RBM4: variants seen among roughly 807,000 people sequenced by gnomAD.
RBM4 encodes RNA-binding protein 4.
A neutral mutation model predicts 29.5 loss-of-function variants in RBM4; 7 were observed. The observed-to-expected ratio is 0.24, with a 90% CI of 0.14 to 0.45. The LOEUF is 0.45. Ranked by LOEUF, RBM4 falls within the 20% of genes least tolerant of loss-of-function variation. RBM4 has a pLI of 1.00. For synonymous variants in RBM4, 220 were observed against 205.4 expected (o/e 1.07, Z -0.61); for missense variants, 387 against 502.3 (o/e 0.77, Z 2.19).
Position 66,644,284 on chromosome 11 carries a change from TC to T in RBM4, c.*8+146del. 3 of 1,162,554 alleles carry T rather than the reference TC, an allele frequency of 2.6e-6. No homozygotes were observed. In the East Asian group the frequency reaches 7.8e-5, roughly 30 times the overall value. 72.0% of individuals were successfully genotyped at this position (1,162,554 alleles called of 1,614,324 possible). ...GGATGGCTCACAGGCTAGAGAGAAG[TC>T]CTAACTGCTTAACTTTAAAATACAT... On this transcript the variant is annotated intron_variant, in intron 3 of 3. Transcript: ENST00000310092.
intron 2 of RBM4, among the ~76,000 whole-genome samples, chr11:66,656,067 T>A (rs1421552109): frequency 6.6e-6 from 1 of 152,050 alleles, no homozygotes; most frequent in African/African-American, 2.4e-5. Flanking sequence ...GCCTCGCGGG[T>A]TCGAGTGATT....
At chr11:66,666,674 A>G (rs1484845630) in exon 3 of RBM4, 1 of 153,264 alleles carries the variant, frequency 6.5e-6, no homozygotes, top group Non-Finnish European at 1.4e-5. Context: ...ATACCAGCTT[A>G]CTTCGGAAGC....
In RBM4 at chr11:66,643,340, C is replaced by T. The variant is rs1356287221; in HGVS notation, c.413-110C>T. On this transcript the variant is annotated intron_variant, in intron 2 of 3. Coordinates refer to ENST00000310092, the MANE Select transcript of RBM4 (RefSeq NM_002896.4). This position sits in a 1 kb window ranked among gnomAD's most constrained non-coding sequence, Gnocchi z 6.1. Reference sequence around the variant, plus strand: ...TTTTTATCTTTTCCTAAAGATGAGTCCTGCATTAGAATTGTCTAGATAAAG... The same window carrying T: ...TTTTTATCTTTTCCTAAAGATGAGTTCTGCATTAGAATTGTCTAGATAAAG... 1.3e-5 allele frequency: 17 copies of T among 1,330,970 alleles called. No individual in the cohort carries two copies. In the African/African-American group the frequency reaches 1.9e-4, roughly 15 times the overall value. The allele number at this position is 1,330,970 out of a possible 1,614,324, so 82.4% of individuals were successfully genotyped here.
chr11:66,646,732 T>A (rs916923954), downstream of RBM4, among the ~76,000 whole-genome samples: 1 of 152,210 alleles, frequency 6.6e-6, no homozygotes, highest in Non-Finnish European at 1.5e-5. Context: ...CAGATGTAGG[T>A]CTTCTCTTCT....
At chr11:66,665,641 C>T in intron 2 of RBM4, 2 of 1,534,988 alleles carry the variant, frequency 1.3e-6, no homozygotes, top group South Asian at 1.2e-5. Flanking sequence ...GCTCCGCGTA[C>T]AAGCGCCCTG....
intron 2 of RBM4, chr11:66,640,484 A>G (rs1243679183): frequency 2.2e-6 from 1 of 447,058 alleles, no homozygotes; most frequent in Non-Finnish European, 3.9e-6. Flanking sequence ...TATTGCCCTC[A>G]GCACAGGATC....
At position 66,646,032 on chromosome 11, in the gene RBM4, A is replaced by T; in HGVS notation, c.*14A>T. The T allele has an allele frequency of 2.0e-6, 3 of 1,536,064 alleles. No individual in the cohort carries two copies. Among genetic ancestry groups the T allele is most frequent in the Non-Finnish European group, 2.6e-6 (3 of 1,146,902 alleles). On this transcript the variant is annotated 3_prime_UTR_variant, in exon 4 of 4. Transcript: ENST00000310092. The stretch of plus-strand genomic sequence containing the variant: ...TGTATTGTGCTCTCTTTCAGGTGGG[A>T]TGTGTGTGGGCTGAAATTCCGAGCT...
chr11:66,661,898 C>G (rs539664059), intron 2 of RBM4, among the ~76,000 whole-genome samples: 2 of 152,056 alleles, frequency 1.3e-5, no homozygotes, highest in Admixed American at 1.3e-4. Flanking sequence ...GGCGTGGTGG[C>G]GCGCGACTGT....
downstream of RBM4, among the ~76,000 whole-genome samples, chr11:66,648,707 G>GGAGGCA (rs1417619402): frequency 6.6e-6 from 1 of 151,830 alleles, no homozygotes; most frequent in Admixed American, 6.6e-5. Context: ...TGGCTATTTG[G>GGAGGCA]GAGGCAGAGG....
intron 2 of RBM4, among the ~76,000 whole-genome samples, chr11:66,657,083 C>G (rs2135086050): frequency 6.7e-6 from 1 of 150,264 alleles, no homozygotes; most frequent in African/African-American, 2.4e-5. Context: ...GTAGTTAATC[C>G]TCAGCCCCTG....
chr11:66,640,357 C>G (rs1938389740), intron 2 of RBM4: 1 of 617,952 alleles, frequency 1.6e-6, no homozygotes, highest in Non-Finnish European at 2.8e-6. Flanking sequence ...GCCCCTACGG[C>G]TTTTGTGCTT....
At chr11:66,659,125 C>A (rs1939022974) in intron 2 of RBM4, among the ~76,000 whole-genome samples, 1 of 151,202 alleles carries the variant, frequency 6.6e-6, no homozygotes, top group South Asian at 2.1e-4. Flanking sequence ...ATGTGGTTTG[C>A]ATTTGTGGCT....
At chr11:66,648,575 G>T (rs187869584), downstream of RBM4, among the ~76,000 whole-genome samples, 1 of 152,096 alleles carries the variant, frequency 6.6e-6, no homozygotes, top group East Asian at 1.9e-4. Flanking sequence ...AGCACTTTGG[G>T]AGGCTGAGGC....
In RBM4 at chr11:66,644,095, A is replaced by AGCAGTATGCCGATCGGGC. The variant is rs1938585739; in HGVS notation, c.1061_1078dup (p.Gln354_Ala359dup). 1 of 1,613,822 alleles carries AGCAGTATGCCGATCGGGC rather than the reference A, an allele frequency of 6.2e-7. No homozygotes were observed. The highest frequency in any genetic ancestry group is 8.5e-7 in the Non-Finnish European group (1 of 1,179,978). On this transcript the variant is annotated inframe_insertion, in exon 3 of 4. Coordinates refer to ENST00000310092, the MANE Select transcript of RBM4 (RefSeq NM_002896.4). ...TACGACATGGCCCGGTATGAGCGGG[A>AGCAGTATGCCGATCGGGC]GCAGTATGCCGATCGGGCGCGGTAC...
At chr11:66,661,553 A>G (rs1284815539) in intron 2 of RBM4, among the ~76,000 whole-genome samples, 1 of 152,200 alleles carries the variant, frequency 6.6e-6, no homozygotes, top group Non-Finnish European at 1.5e-5. Context: ...TGCCTCATTC[A>G]TCACCATGTT....
chr11:66,645,175 A>G (rs1459025326), intron 3 of RBM4, among the ~76,000 whole-genome samples: 1 of 152,038 alleles, frequency 6.6e-6, no homozygotes, highest in Non-Finnish European at 1.5e-5. Flanking sequence ...TTCCACTGTC[A>G]TACATTTTGA....
intron 2 of RBM4, chr11:66,640,476 T>C: frequency 4.4e-6 from 2 of 455,444 alleles, no homozygotes; most frequent in Non-Finnish European, 7.7e-6. Flanking sequence ...TCTGAATTTA[T>C]TGCCCTCAGC....
Position 66,663,690 on chromosome 11 carries a change from ATG to A in RBM4, c.413-2158_413-2157del, listed in dbSNP as rs538492044. Among the ~76,000 whole-genome samples, 425 of 136,224 alleles carry A rather than the reference ATG, an allele frequency of 3.1e-3. 1 individual carries two copies. Among genetic ancestry groups the A allele is most frequent in the Middle Eastern group, 0.011 (3 of 282 alleles). 89.4% of individuals were successfully genotyped at this position (136,224 alleles called of 152,430 possible). A position where few individuals can be genotyped will look rare whatever the true frequency, so the allele number is the denominator to read the frequency against. On this transcript the variant is annotated intron_variant, in intron 2 of 2. Transcript: ENST00000396053. Reference sequence around the variant, plus strand: ...GGAGAGGGGTGGTAACTAGGCAAAAATGTGTGTGTATATGTGTGTGTGTGTGT... The same window carrying A: ...GGAGAGGGGTGGTAACTAGGCAAAAATGTGTGTATATGTGTGTGTGTGTGT...
rs771563918 is a variant in RBM4 at position 66,643,742 on chromosome 11, A to G, written c.705A>G (p.Ala235=). The G allele has an allele frequency of 2.5e-6, 4 of 1,614,050 alleles. No individual in the cohort carries two copies. The South Asian group carries it at 4.4e-5, about 18-fold the overall frequency. ...CTGCCCGGTCCTATGAGGCAGTGGC[A>G]GCTGCAGCTGCCTCCGTGTATAATT... ...CRAARSYEAV[A]AAAASVYNYA... Residue 235 remains alanine (A), a synonymous_variant, in exon 3 of 4, where the codon GCA becomes GCG. Transcript: ENST00000310092. The surrounding 1 kb of genome is among the most constrained non-coding windows in gnomAD (Gnocchi z 6.1).
Sources: allele counts gnomAD v4.1 joint callset (sites outside exome capture counted in the v4.1 genomes callset), GRCh38; gene constraint gnomAD v4.1.1; non-coding constraint Gnocchi (gnomAD v3.1); transcripts MANE v1.5; gene names NCBI Gene and HGNC (gene_info 2026-07-23, HGNC 2026-07-21).